PEAK1: variants seen among roughly 807,000 people sequenced by gnomAD.
PEAK1 encodes inactive tyrosine-protein kinase PEAK1.
In PEAK1, 54 loss-of-function variants were observed where a neutral mutation model predicts 124.7. That is an observed-to-expected ratio of 0.43 (90% CI 0.35 to 0.54). The LOEUF (loss-of-function observed/expected upper bound fraction) is 0.54. PEAK1 is among the 20% of genes least tolerant of loss of function. The pLI, the probability that PEAK1 is intolerant of heterozygous loss-of-function variation, is 0.01. For missense variants in PEAK1, 2,046 were observed against 2,134.5 expected (o/e 0.96, Z 0.82); for synonymous variants, 719 against 760.0 (o/e 0.95, Z 0.89).
In PEAK1 at chr15:77,114,388, G is replaced by A; in HGVS notation, c.5009C>T (p.Pro1670Leu). The part of the protein sequence containing the change: ...KGILQCLLWG[P>L]REDLFQTFTA... ...GAAAGTCTGGAAGAGATCTTCGCGG[G>A]GGCCCCAGAGCAGACACTGGAGGAT... Residue 1670 changes from proline (P) to leucine (L), a missense_variant, in exon 10 of 10, where the codon CCC becomes CTC. By Grantham distance (98) the Pro-to-Leu change is moderately conservative. Transcript: ENST00000682557. 1 of 1,614,200 alleles carries A rather than the reference G, an allele frequency of 6.2e-7. No individual in the cohort carries two copies. Among genetic ancestry groups the A allele is most frequent in the Non-Finnish European group, 8.5e-7 (1 of 1,180,028 alleles).
At chr15:77,245,461 G>A (rs531072695) in intron 6 of PEAK1, among the ~76,000 whole-genome samples, 1 of 152,262 alleles carries the variant, frequency 6.6e-6, no homozygotes, top group Admixed American at 6.5e-5. Context: ...CACTTTGGGA[G>A]GCCAAGGCAG....
intron 8 of PEAK1, among the ~76,000 whole-genome samples, chr15:77,150,407 A>G (rs1340477496): frequency 2.0e-5 from 3 of 152,194 alleles, no homozygotes; most frequent in Non-Finnish European, 4.4e-5. Context: ...GGATTAAATG[A>G]GCTAATATAT....
chr15:77,313,652 A>ATG (rs775220459), intron 2 of PEAK1, among the ~76,000 whole-genome samples: 13,595 of 90,412 alleles, frequency 0.15, 1,107 homozygotes, highest in Admixed American at 0.22. Context: ...GTATGTATGT[A>ATG]TGTGTGTGTG....
At chr15:77,136,730 T>A (rs1256610180) in intron 8 of PEAK1, among the ~76,000 whole-genome samples, 1 of 151,952 alleles carries the variant, frequency 6.6e-6, no homozygotes, top group Non-Finnish European at 1.5e-5. Flanking sequence ...CCTGTCAATG[T>A]GATAGAAAAT....
At chr15:77,151,678 A>G (rs945879830) in intron 8 of PEAK1, among the ~76,000 whole-genome samples, 1 of 152,072 alleles carries the variant, frequency 6.6e-6, no homozygotes, top group African/African-American at 2.4e-5. Context: ...ATCTTGAATT[A>G]ATTTTTGTAT....
At position 77,391,548 on chromosome 15, in the gene PEAK1, T is replaced by A. The variant is rs145239239; in HGVS notation, c.-665-26323A>T. Among the ~76,000 whole-genome samples the A allele has an allele frequency of 1.5e-4, 21 of 144,704 alleles. No individual in the cohort carries two copies. The East Asian group carries it at 4.3e-3, about 30-fold the overall frequency. 94.9% of individuals were successfully genotyped at this position (144,704 alleles called of 152,430 possible). A position where few individuals can be genotyped will look rare whatever the true frequency, so the allele number is the denominator to read the frequency against. On this transcript the variant is annotated intron_variant, in intron 1 of 9. Transcript: ENST00000682557. ...CCAGGCCAGACTACTGCACTGCTAT[T>A]AAAGATGCTGCCAACTTGAAATGAA...
chr15:77,346,430 C>T (rs1597382675), intron 2 of PEAK1: 1 of 377,462 alleles, frequency 2.6e-6, no homozygotes. Flanking sequence ...TGACAGTGAT[C>T]AGTCCCTTGG....
Position 77,179,237 on chromosome 15 carries a change from G to C in PEAK1, c.2690C>G (p.Thr897Ser), listed in dbSNP as rs1466208224. 1.9e-6 allele frequency: 3 copies of C among 1,614,060 alleles called. No homozygotes were observed. The highest frequency in any genetic ancestry group is 2.5e-6 in the Non-Finnish European group (3 of 1,180,046). ...QRHFTNWTKPTSPTRSTEAES... is the reference protein window; with the variant it reads ...QRHFTNWTKPSSPTRSTEAES... ...AGCTTCTGTTGACCTGGTAGGGCTGGTTGGCTTGGTCCAGTTGGTGAAATG... is the reference window on the plus strand; with the variant it reads ...AGCTTCTGTTGACCTGGTAGGGCTGCTTGGCTTGGTCCAGTTGGTGAAATG... The change falls in exon 7 of 10, where the codon ACC becomes AGC. Residue 897 changes from threonine to serine, a missense_variant. By Grantham distance (58) the Thr-to-Ser change is moderately conservative. Transcript: ENST00000682557.
chr15:77,183,579 C>T (rs2057390761), intron 6 of PEAK1, among the ~76,000 whole-genome samples: 1 of 152,016 alleles, frequency 6.6e-6, no homozygotes, highest in Admixed American at 6.6e-5. Context: ...ATTCTTCTCA[C>T]TAGCAAACCT....
rs2062803076 is a variant in PEAK1 at position 77,284,110 on chromosome 15, C to G, written c.-422-80G>C. ...AGCCCAGCTATATGACCAATTCAAT[C>G]TGGTCATGTAAACAATGAAGAGAAT... On this transcript the variant is annotated intron_variant, in intron 4 of 9. Coordinates refer to ENST00000682557, the MANE Select transcript of PEAK1 (RefSeq NM_001385026.1). 6 of 687,820 alleles carry G rather than the reference C, an allele frequency of 8.7e-6. No homozygotes were observed. The South Asian group carries it at 3.9e-4, about 45-fold the overall frequency. The allele number at this position is 687,820 out of a possible 1,614,324, so 42.6% of individuals were successfully genotyped here.
chr15:77,214,727 G>A (rs1271643899), intron 6 of PEAK1, among the ~76,000 whole-genome samples: 1 of 152,100 alleles, frequency 6.6e-6, no homozygotes, highest in South Asian at 2.1e-4. Flanking sequence ...TACAACTGTG[G>A]CAGAAGGCAA....
At chr15:77,271,339 T>C (rs2062019944) in intron 5 of PEAK1, among the ~76,000 whole-genome samples, 1 of 152,198 alleles carries the variant, frequency 6.6e-6, no homozygotes, top group African/African-American at 2.4e-5. Flanking sequence ...GGTGGGACTG[T>C]AAACTAGTTC....
At chr15:77,297,744 T>G (rs1597167409) in intron 2 of PEAK1, among the ~76,000 whole-genome samples, 3 of 92,402 alleles carry the variant, frequency 3.2e-5, no homozygotes, top group South Asian at 3.7e-4. Context: ...GGCAACAGAG[T>G]GAGATTTTGC....
chr15:77,304,743 G>A (rs2063990481), intron 2 of PEAK1, among the ~76,000 whole-genome samples: 1 of 151,974 alleles, frequency 6.6e-6, no homozygotes, highest in African/African-American at 2.4e-5. Context: ...CACCACACCT[G>A]GCCAATCCTG....
At chr15:77,257,510 C>T (rs2061215280) in intron 5 of PEAK1, among the ~76,000 whole-genome samples, 1 of 151,132 alleles carries the variant, frequency 6.6e-6, no homozygotes, top group Non-Finnish European at 1.5e-5. Flanking sequence ...TGTCTTTTGG[C>T]TGCATAAATG....
At chr15:77,215,109 T>C in intron 6 of PEAK1, among the ~76,000 whole-genome samples, 1 of 152,144 alleles carries the variant, frequency 6.6e-6, no homozygotes, top group Non-Finnish European at 1.5e-5. Flanking sequence ...CATCAACACT[T>C]GGTATCGTTG....
intron 5 of PEAK1, among the ~76,000 whole-genome samples, chr15:77,267,890 T>C (rs1166054694): frequency 2.0e-5 from 3 of 151,978 alleles, no homozygotes; most frequent in African/African-American, 7.2e-5. Flanking sequence ...AGAAAAAGAA[T>C]TCACAAAGTC....
chr15:77,357,573 TA>T (rs1426734881), intron 2 of PEAK1, among the ~76,000 whole-genome samples: 1 of 152,124 alleles, frequency 6.6e-6, no homozygotes, highest in African/African-American at 2.4e-5. Context: ...GACCCTGTCT[TA>T]AAAAAAGTAA....
chr15:77,408,255 G>A (rs903926188), intron 1 of PEAK1, among the ~76,000 whole-genome samples: 1 of 151,562 alleles, frequency 6.6e-6, no homozygotes, highest in Non-Finnish European at 1.5e-5. Context: ...GGATGGAATT[G>A]GAGACCATTA....
Sources: allele counts gnomAD v4.1 joint callset (sites outside exome capture counted in the v4.1 genomes callset), GRCh38; gene constraint gnomAD v4.1.1; transcripts MANE v1.5; gene names NCBI Gene and HGNC (gene_info 2026-07-23, HGNC 2026-07-21).